The following SNTB1 variants were observed in gnomAD, a reference collection of about 807,000 sequenced individuals.
The protein encoded by SNTB1 is beta-1-syntrophin.
Under a neutral mutation model 48.9 loss-of-function variants are expected in SNTB1, and 36 were observed. That is an observed-to-expected ratio of 0.74 (90% CI 0.56 to 0.97). The LOEUF (loss-of-function observed/expected upper bound fraction) is 0.97. SNTB1 is among the 50% of genes least tolerant of loss of function. The pLI is 0.00. For missense variants in SNTB1, 786 were observed against 703.4 expected, an observed-to-expected ratio of 1.12 and a Z score of -1.33; for synonymous variants, 299 against 294.6, an observed-to-expected ratio of 1.01 and a Z score of -0.15.
At chr8:120,682,668 T>G (rs1817951785) in intron 2 of SNTB1, among the ~76,000 whole-genome samples, 1 of 152,108 alleles carries the variant, frequency 6.6e-6, no homozygotes, top group Non-Finnish European at 1.5e-5. Flanking sequence ...ATGGGTTGCC[T>G]AAGTGAGAAG....
In SNTB1 at chr8:120,629,358, C is replaced by T. The variant is rs937034614; in HGVS notation, c.996+3086G>A. On this transcript the variant is annotated intron_variant, in intron 3 of 6. Coordinates refer to ENST00000517992, the MANE Select transcript of SNTB1 (RefSeq NM_021021.4). ...ATATTGTTTGAGTTCATATAAATGC[C>T]GCTTTTAAAAATTTGAAATTAAATT... is the stretch of plus-strand genomic sequence containing the variant. Among the ~76,000 whole-genome samples the T allele has an allele frequency of 5.3e-5, 8 of 152,070 alleles. No homozygotes were observed. In the South Asian group the frequency reaches 6.2e-4, roughly 12 times the overall value.
At chr8:120,636,029 T>A in intron 2 of SNTB1, 1 of 1,009,502 alleles carries the variant, frequency 9.9e-7, no homozygotes, top group Non-Finnish European at 1.3e-6. Flanking sequence ...AGATGGCTAC[T>A]GAGTTCTAAA....
intron 1 of SNTB1, among the ~76,000 whole-genome samples, chr8:120,729,330 A>G (rs565655414): frequency 1.1e-4 from 17 of 152,318 alleles, no homozygotes; most frequent in African/African-American, 4.1e-4. Context: ...ATGGTATTTC[A>G]CTGTGGTTTT....
rs1397579254 is a variant in SNTB1, at chr8:120,613,221, G to A, written c.996+19223C>T. On this transcript the variant is annotated intron_variant, in intron 3 of 6. Coordinates refer to ENST00000517992, the MANE Select transcript of SNTB1 (RefSeq NM_021021.4). ...AAAAAATTAGCCAGGCATGGTGGTG[G>A]GCGCCTATAATCCCAGCTACTTGGG... Among the ~76,000 whole-genome samples, 3 of 151,872 alleles carry A rather than the reference G, an allele frequency of 2.0e-5. 1 individual carries two copies. The highest frequency in any genetic ancestry group is 4.4e-5 in the Non-Finnish European group (3 of 67,968).
intron 1 of SNTB1, among the ~76,000 whole-genome samples, chr8:120,754,129 A>G (rs1337028891): frequency 2.6e-5 from 4 of 152,208 alleles, no homozygotes; most frequent in Non-Finnish European, 5.9e-5. Flanking sequence ...ATACATGGCC[A>G]GAGGCTGCAT....
At chr8:120,688,219 C>G (rs1295516925) in intron 2 of SNTB1, among the ~76,000 whole-genome samples, 1 of 152,166 alleles carries the variant, frequency 6.6e-6, no homozygotes, top group Non-Finnish European at 1.5e-5. Context: ...GACTTAAAGC[C>G]TCATAAACTA....
intron 4 of SNTB1, among the ~76,000 whole-genome samples, chr8:120,552,216 A>G (rs1815493140): frequency 6.6e-6 from 1 of 152,228 alleles, no homozygotes; most frequent in South Asian, 2.1e-4. Context: ...AATTTGTTAG[A>G]AAATACACAT....
chr8:120,663,458 C>A (rs1817625033), intron 2 of SNTB1, among the ~76,000 whole-genome samples: 1 of 152,154 alleles, frequency 6.6e-6, no homozygotes, highest in African/African-American at 2.4e-5. Flanking sequence ...AGGCATGCGC[C>A]ACCATGCCCA....
intron 3 of SNTB1, among the ~76,000 whole-genome samples, chr8:120,598,592 T>C (rs945513349): frequency 2.6e-5 from 4 of 152,216 alleles, no homozygotes; most frequent in African/African-American, 7.2e-5. Flanking sequence ...AGCATTCAGA[T>C]TGTAGCAGGC....
chr8:120,572,108 A>C (rs1815865104), intron 4 of SNTB1, among the ~76,000 whole-genome samples: 1 of 151,940 alleles, frequency 6.6e-6, no homozygotes. Flanking sequence ...ATCTTGTGTT[A>C]ATTCTTGCTC....
chr8:120,679,957 C>T (rs1021872734), intron 2 of SNTB1, among the ~76,000 whole-genome samples: 5 of 152,116 alleles, frequency 3.3e-5, no homozygotes, highest in Non-Finnish European at 7.3e-5. Flanking sequence ...ACTAAACCTC[C>T]CATTCTTCAA....
chr8:120,546,528 T>G (rs181902328), intron 5 of SNTB1, among the ~76,000 whole-genome samples: 1 of 152,188 alleles, frequency 6.6e-6, no homozygotes, highest in Non-Finnish European at 1.5e-5. Context: ...CAGTCTGGAG[T>G]GCAGTGGCAT....
intron 1 of SNTB1, among the ~76,000 whole-genome samples, chr8:120,773,346 C>T (rs1052325250): frequency 2.0e-5 from 3 of 152,114 alleles, no homozygotes; most frequent in Non-Finnish European, 4.4e-5. Context: ...AGTGAGACCC[C>T]ATCTCTATTA....
chr8:120,764,868 T>C (rs1467635552), intron 1 of SNTB1, among the ~76,000 whole-genome samples: 1 of 152,164 alleles, frequency 6.6e-6, no homozygotes, highest in Admixed American at 6.6e-5. Flanking sequence ...ATCAATTCTC[T>C]CTTTCTTCAC....
chr8:120,790,002 C>A (rs529423721), intron 1 of SNTB1, among the ~76,000 whole-genome samples: 3 of 151,894 alleles, frequency 2.0e-5, no homozygotes, highest in Non-Finnish European at 4.4e-5. Flanking sequence ...AAATTCTAGC[C>A]AACCAAATCC....
intron 5 of SNTB1, among the ~76,000 whole-genome samples, chr8:120,543,258 C>T: frequency 6.6e-6 from 1 of 152,082 alleles, no homozygotes; most frequent in African/African-American, 2.4e-5. Context: ...TTTTTTGCTT[C>T]ACAAAACACC....
At chr8:120,566,007 G>A (rs1453478649) in intron 4 of SNTB1, among the ~76,000 whole-genome samples, 1 of 152,092 alleles carries the variant, frequency 6.6e-6, no homozygotes, top group Non-Finnish European at 1.5e-5. Flanking sequence ...TCAGGAGTTC[G>A]AGACCAGCCT....
chr8:120,624,771 C>A (rs1217249574), intron 3 of SNTB1, among the ~76,000 whole-genome samples: 5 of 152,144 alleles, frequency 3.3e-5, no homozygotes, highest in Non-Finnish European at 5.9e-5. Flanking sequence ...GGCAAATTCC[C>A]TCCAGCTGTG....
At chr8:120,624,238 G>A (rs145517412) in intron 3 of SNTB1, among the ~76,000 whole-genome samples, 211 of 152,224 alleles carry the variant, frequency 1.4e-3, no homozygotes, top group Middle Eastern at 3.4e-3. Flanking sequence ...GCACCTGCCC[G>A]ACTAGGTAAT....
Sources: gnomAD v4.1 joint callset for allele counts (sites outside exome capture counted in the v4.1 genomes callset) on GRCh38, gnomAD v4.1.1 for gene constraint, MANE v1.5 for transcripts, NCBI Gene and HGNC (gene_info 2026-07-23, HGNC 2026-07-21) for gene names.